NRXN3: variants seen among roughly 807,000 people sequenced by gnomAD.
NRXN3 encodes neurexin III.
Under a neutral mutation model 137.6 loss-of-function variants are expected in NRXN3, and 32 were observed. That is an observed-to-expected ratio of 0.23 (90% CI 0.18 to 0.31). The LOEUF is 0.31. Ranked by LOEUF, NRXN3 falls within the 10% of genes least tolerant of loss-of-function variation. The pLI is 1.00. For missense variants in NRXN3, 1,574 were observed against 2,062.5 expected, an observed-to-expected ratio of 0.76 and a Z score of 4.59; for synonymous variants, 798 against 784.5, an observed-to-expected ratio of 1.02 and a Z score of -0.29.
intron 4 of NRXN3, among the ~76,000 whole-genome samples, chr14:78,386,423 T>C (rs2089984190): frequency 2.0e-5 from 3 of 152,118 alleles, no homozygotes. Flanking sequence ...TTTGTGACTG[T>C]AGGTGAAGGG....
intron 19 of NRXN3, among the ~76,000 whole-genome samples, chr14:79,773,228 CA>C (rs2099085030): frequency 6.6e-6 from 1 of 152,158 alleles, no homozygotes; most frequent in Admixed American, 6.5e-5. Flanking sequence ...GGCGATTCCT[CA>C]GGGATCAAGA....
chr14:78,967,133 T>C, intron 12 of NRXN3, 75 bp from the exon 13 acceptor site: 1 of 1,268,848 alleles, frequency 7.9e-7, no homozygotes, highest in Middle Eastern at 2.4e-4. Context: ...GCCCACTATG[T>C]CAGTTACACA....
chr14:79,146,977 G>A (rs950875913), intron 15 of NRXN3, among the ~76,000 whole-genome samples: 3 of 152,090 alleles, frequency 2.0e-5, no homozygotes, highest in African/African-American at 4.8e-5. Context: ...TGGGCTTGAA[G>A]TTCTAATTAA....
At chr14:78,995,627 C>T (rs2099528449) in intron 15 of NRXN3, among the ~76,000 whole-genome samples, 1 of 152,054 alleles carries the variant, frequency 6.6e-6, no homozygotes, top group South Asian at 2.1e-4. Context: ...GATGGCCCTG[C>T]CGGCTACTCT....
intron 15 of NRXN3, among the ~76,000 whole-genome samples, chr14:79,273,196 A>T (rs2079658302): frequency 6.6e-6 from 1 of 150,958 alleles, no homozygotes; most frequent in South Asian, 2.1e-4. Flanking sequence ...AAAAAAAAAA[A>T]AAAATGGGTG....
At chr14:79,591,149 G>A (rs1371606550) in intron 16 of NRXN3, among the ~76,000 whole-genome samples, 1 of 152,200 alleles carries the variant, frequency 6.6e-6, no homozygotes, top group Non-Finnish European at 1.5e-5. Context: ...AATGGCAATG[G>A]CTTTGGGCAA....
intron 15 of NRXN3, among the ~76,000 whole-genome samples, chr14:79,212,579 C>T (rs371517263): frequency 1.2e-4 from 18 of 152,288 alleles, no homozygotes; most frequent in Non-Finnish European, 1.9e-4. Context: ...AATACCTATA[C>T]TTTATACCTG....
intron 15 of NRXN3, among the ~76,000 whole-genome samples, chr14:79,437,785 A>T (rs1467427386): frequency 6.6e-6 from 1 of 152,160 alleles, no homozygotes; most frequent in Non-Finnish European, 1.5e-5. Context: ...CATCCTCATC[A>T]ACCTAAATCT....
At chr14:79,250,568 G>T (rs1192488916) in intron 15 of NRXN3, among the ~76,000 whole-genome samples, 1 of 152,174 alleles carries the variant, frequency 6.6e-6, no homozygotes, top group Non-Finnish European at 1.5e-5. Context: ...AGCAGTTAAA[G>T]AACTCACTGG....
intron 8 of NRXN3, among the ~76,000 whole-genome samples, chr14:78,777,899 A>T (rs1461469658): frequency 6.6e-6 from 1 of 152,094 alleles, no homozygotes; most frequent in East Asian, 1.9e-4. Flanking sequence ...AGTAACTGGA[A>T]CTATAGGTGC....
At chr14:79,837,621 C>T (rs1173010937) in intron 20 of NRXN3, among the ~76,000 whole-genome samples, 1 of 152,176 alleles carries the variant, frequency 6.6e-6, no homozygotes, top group African/African-American at 2.4e-5. Flanking sequence ...GTGAACGCCA[C>T]TGCTTTACAA....
chr14:78,761,111 A>C (rs1438961699), intron 8 of NRXN3, among the ~76,000 whole-genome samples: 1 of 152,218 alleles, frequency 6.6e-6, no homozygotes, highest in Non-Finnish European at 1.5e-5. Context: ...TTATTCATAA[A>C]AAACAATCTT....
intron 14 of NRXN3, among the ~76,000 whole-genome samples, chr14:78,969,772 T>A (rs986866129): frequency 2.6e-5 from 4 of 152,094 alleles, no homozygotes. Flanking sequence ...TCCAGAAATA[T>A]TTCTTAAATT....
chr14:79,700,565 C>T (rs1410733019), intron 19 of NRXN3, among the ~76,000 whole-genome samples: 2 of 151,990 alleles, frequency 1.3e-5, no homozygotes, highest in African/African-American at 4.8e-5. Flanking sequence ...TCCTCTAGTT[C>T]TTTCTTAAAG....
At chr14:79,405,234 G>C (rs1301170321) in intron 15 of NRXN3, among the ~76,000 whole-genome samples, 7 of 152,126 alleles carry the variant, frequency 4.6e-5, no homozygotes, top group Non-Finnish European at 8.8e-5. Context: ...TCCCAAATCC[G>C]TCTTCCTAAT....
chr14:79,452,085 T>C (rs181051810), intron 15 of NRXN3, among the ~76,000 whole-genome samples: 229 of 152,110 alleles, frequency 1.5e-3, no homozygotes, highest in African/African-American at 5.3e-3. Flanking sequence ...ACTTTCAATT[T>C]CCTTTTCTTA....
At chr14:79,605,930 A>G (rs1223238970) in intron 16 of NRXN3, among the ~76,000 whole-genome samples, 3 of 152,214 alleles carry the variant, frequency 2.0e-5, no homozygotes, top group African/African-American at 7.2e-5. Context: ...ATGTGCAAGG[A>G]TGCACGCTGT....
intron 4 of NRXN3, among the ~76,000 whole-genome samples, chr14:78,444,616 A>C (rs76057470): frequency 0.011 from 1,731 of 152,196 alleles, 13 homozygotes; most frequent in Non-Finnish European, 0.019. Flanking sequence ...TCTGATGTCC[A>C]TTATCATTTG....
intron 15 of NRXN3, among the ~76,000 whole-genome samples, chr14:79,126,848 C>CT (rs1156256400): frequency 1.3e-5 from 2 of 152,132 alleles, no homozygotes; most frequent in Non-Finnish European, 2.9e-5. Context: ...TGTTTCCTGA[C>CT]TTTTTAATGA....
Sources: allele counts gnomAD v4.1 joint callset (sites outside exome capture counted in the v4.1 genomes callset), GRCh38; gene constraint gnomAD v4.1.1; transcripts MANE v1.5; gene names NCBI Gene and HGNC (gene_info 2026-07-23, HGNC 2026-07-21).